The following MAP2K4 variants were observed in gnomAD, a reference collection of about 807,000 sequenced individuals.
MAP2K4 encodes mitogen-activated protein kinase kinase 4.
In MAP2K4, 4 loss-of-function variants were observed where a neutral mutation model predicts 48.5. The observed-to-expected ratio is 0.08, with a 90% CI of 0.04 to 0.19. MAP2K4 has a LOEUF of 0.19. MAP2K4 is among the 10% of genes least tolerant of loss of function. The pLI, the probability that MAP2K4 is intolerant of heterozygous loss-of-function variation, is 1.00. For missense variants in MAP2K4, 258 were observed against 493.3 expected, an observed-to-expected ratio of 0.52 and a Z score of 4.52; for synonymous variants, 166 against 173.1, an observed-to-expected ratio of 0.96 and a Z score of 0.32.
chr17:12,046,699 G>C (rs73300450), intron 1 of MAP2K4, among the ~76,000 whole-genome samples: 1 of 152,280 alleles, frequency 6.6e-6, no homozygotes, highest in African/African-American at 2.4e-5. Flanking sequence ...TTGGTGGTTA[G>C]CTGAATCAGA....
intron 1 of MAP2K4, among the ~76,000 whole-genome samples, chr17:12,026,482 A>T (rs1969256371): frequency 6.6e-6 from 1 of 152,240 alleles, no homozygotes; most frequent in South Asian, 2.1e-4. Flanking sequence ...GTAACAGTTA[A>T]CAACTTTTTT....
chr17:12,121,052 G>A (rs894722508), intron 7 of MAP2K4, among the ~76,000 whole-genome samples: 8 of 152,178 alleles, frequency 5.3e-5, no homozygotes, highest in African/African-American at 1.4e-4. Context: ...TGTAAATTCC[G>A]AGTCCGGAAT....
At chr17:12,021,734 GAA>G (rs896882494) in intron 1 of MAP2K4, among the ~76,000 whole-genome samples, 5 of 99,982 alleles carry the variant, frequency 5.0e-5, no homozygotes, top group African/African-American at 2.0e-4. Context: ...CGTGCAGGAA[GAA>G]AAAAAAAAAA....
intron 1 of MAP2K4, among the ~76,000 whole-genome samples, chr17:12,031,685 C>A (rs1249254218): frequency 1.3e-5 from 2 of 152,170 alleles, no homozygotes; most frequent in Non-Finnish European, 2.9e-5. Flanking sequence ...ACTCAGCTTT[C>A]TCATTCCTAG....
At chr17:12,113,383 C>G (rs758804836) in intron 7 of MAP2K4, 23 bp downstream of exon 7, 13 of 1,608,980 alleles carry the variant, frequency 8.1e-6, no homozygotes, top group Admixed American at 1.7e-5. Flanking sequence ...TCCAGGCCTT[C>G]TTGCTTGATA....
Position 12,139,843 on chromosome 17 carries a change from A to T in MAP2K4, c.1045A>T (p.Thr349Ser), listed in dbSNP as rs1293062852. 1 of 1,604,050 alleles carries T rather than the reference A, an allele frequency of 6.2e-7. No homozygotes were observed. The highest frequency in any genetic ancestry group is 1.7e-5 in the Admixed American group (1 of 59,592). The change falls in exon 10 of 11, where the codon ACG (threonine) becomes TCG (serine). Residue 349 changes from threonine to serine, a missense_variant. Thr to Ser is a moderately conservative substitution (Grantham distance 58). This residue lies in a region of MAP2K4 where 57 missense variants were observed against 84.3 expected (regional missense o/e 0.68). Coordinates refer to ENST00000353533, the MANE Select transcript of MAP2K4 (RefSeq NM_003010.4). ...GTTATTTTTATGTTATTTTAGCCTT[A>T]CGAAGGATGAATCCAAAAGGCCAAA... ...SFINFVNLCL[T>S]KDESKRPKYK...
intron 4 of MAP2K4, among the ~76,000 whole-genome samples, chr17:12,106,423 CTG>C (rs1016202364): frequency 3.9e-5 from 6 of 152,042 alleles, no homozygotes; most frequent in East Asian, 1.9e-4. Flanking sequence ...AGCCATGTAT[CTG>C]TGAATGTTCT....
At chr17:12,122,586 T>A (rs1972727380) in intron 7 of MAP2K4, among the ~76,000 whole-genome samples, 1 of 152,216 alleles carries the variant, frequency 6.6e-6, no homozygotes, top group Admixed American at 6.5e-5. Flanking sequence ...TTAGTTTCAG[T>A]AGGAATTTTC....
intron 2 of MAP2K4, among the ~76,000 whole-genome samples, chr17:12,055,620 A>G (rs1970261862): frequency 6.6e-6 from 1 of 152,006 alleles, no homozygotes; most frequent in African/African-American, 2.4e-5. Flanking sequence ...GCTGGCAGAT[A>G]CATTTTTTTT....
At chr17:12,045,113 A>C (rs1026489447) in intron 1 of MAP2K4, among the ~76,000 whole-genome samples, 1 of 152,142 alleles carries the variant, frequency 6.6e-6, no homozygotes, top group African/African-American at 2.4e-5. Flanking sequence ...GCCTGGGGCC[A>C]CTCACTAGAG....
At position 12,116,076 on chromosome 17, in the gene MAP2K4, C is replaced by T. The variant is rs140877666; in HGVS notation, c.813+2716C>T. ...AAGTCAGATGAGTATCCCTGTAGGT[C>T]GCCTGCAGCCTGCATTGCCACTTGT... On this transcript the variant is annotated intron_variant, in intron 7 of 10. Transcript: ENST00000353533. Among the ~76,000 whole-genome samples, 43 of 152,256 alleles carry T rather than the reference C, an allele frequency of 2.8e-4. No homozygotes were observed. The East Asian group carries it at 5.6e-3, about 20-fold the overall frequency.
intron 5 of MAP2K4, among the ~76,000 whole-genome samples, chr17:12,109,676 G>A (rs1459486939): frequency 6.6e-6 from 1 of 152,196 alleles, no homozygotes; most frequent in Admixed American, 6.5e-5. Flanking sequence ...TGAAGGCTTA[G>A]CATCCAATGA....
intron 2 of MAP2K4, among the ~76,000 whole-genome samples, chr17:12,057,886 T>A (rs189196717): frequency 1.3e-5 from 2 of 152,296 alleles, no homozygotes; most frequent in East Asian, 3.9e-4. Context: ...TCTTTTCTGT[T>A]GTTTGAATTA....
intron 3 of MAP2K4, among the ~76,000 whole-genome samples, chr17:12,087,168 C>T (rs1971395801): frequency 6.6e-6 from 1 of 152,116 alleles, no homozygotes; most frequent in South Asian, 2.1e-4. Context: ...CTTACCATAC[C>T]TCACTCTGCG....
At chr17:12,036,882 C>T (rs1969616120) in intron 1 of MAP2K4, among the ~76,000 whole-genome samples, 1 of 140,504 alleles carries the variant, frequency 7.1e-6, no homozygotes, top group Admixed American at 7.6e-5. Flanking sequence ...AGCTCTTTAT[C>T]ACTATCCTCC....
At chr17:12,125,082 T>C (rs943758480) in intron 7 of MAP2K4, 4 of 523,590 alleles carry the variant, frequency 7.6e-6, no homozygotes, top group Non-Finnish European at 1.4e-5. Context: ...TTAAATGAAT[T>C]GCTTAGTGTT....
chr17:12,074,069 G>T (rs1023724616), intron 2 of MAP2K4, among the ~76,000 whole-genome samples: 2 of 152,084 alleles, frequency 1.3e-5, no homozygotes, highest in Non-Finnish European at 2.9e-5. Flanking sequence ...ACTGTGCCTG[G>T]CCTCTTGTTG....
intron 2 of MAP2K4, among the ~76,000 whole-genome samples, chr17:12,076,279 C>CTGTG (rs372806903): frequency 0.36 from 48,425 of 134,948 alleles, 9,024 homozygotes; most frequent in Non-Finnish European, 0.41. Context: ...TGTCACAGTT[C>CTGTG]TGTGTGTGTG....
At chr17:12,030,035 T>G (rs1969383061) in intron 1 of MAP2K4, among the ~76,000 whole-genome samples, 1 of 152,222 alleles carries the variant, frequency 6.6e-6, no homozygotes, top group Non-Finnish European at 1.5e-5. Context: ...TTTCCTCATT[T>G]TTCCTTCCCA....
Sources: gnomAD v4.1 joint callset for allele counts (sites outside exome capture counted in the v4.1 genomes callset) on GRCh38, gnomAD v4.1.1 for gene constraint, gnomAD v4.1.1 regional missense constraint, MANE v1.5 for transcripts, NCBI Gene and HGNC (gene_info 2026-07-23, HGNC 2026-07-21) for gene names.